SLC30A10: variants seen among roughly 807,000 people sequenced by gnomAD.
SLC30A10 encodes calcium/manganese antiporter SLC30A10.
Under a neutral mutation model 21.7 loss-of-function variants are expected in SLC30A10, and 8 were observed. That is an observed-to-expected ratio of 0.37 (90% CI 0.22 to 0.67). The LOEUF is 0.67. SLC30A10 is among the 30% of genes least tolerant of loss of function. The probability of loss-of-function intolerance (pLI) is 0.58; values close to 1 mark genes in which losing one functional copy is unlikely to be tolerated. For missense variants in SLC30A10, 521 were observed against 642.5 expected (o/e 0.81, Z 2.04); for synonymous variants, 272 against 279.4 (o/e 0.97, Z 0.26).
In SLC30A10 at chr1:219,951,599, T is replaced by C. The variant is rs1281871643; in HGVS notation, n.80+6969A>G. Among the ~76,000 whole-genome samples, 3 of 151,800 alleles carry C rather than the reference T, an allele frequency of 2.0e-5. No individual in the cohort carries two copies. In the East Asian group the frequency reaches 5.9e-4, roughly 30 times the overall value. Reference sequence around the variant, plus strand: ...AGCCGGGTGTGGTGGCGGGTGCCTGTAGTCCCAGCTACTCGGGAGGCTGAG... The same window carrying C: ...AGCCGGGTGTGGTGGCGGGTGCCTGCAGTCCCAGCTACTCGGGAGGCTGAG... On this transcript the variant is annotated intron_variant and non_coding_transcript_variant, in intron 1 of 8. Transcript: ENST00000484239.
At chr1:219,927,184 G>C (rs761970514) in intron 1 of SLC30A10, 79 bp from the exon 2 acceptor site, 60 of 1,465,944 alleles carry the variant, frequency 4.1e-5, no homozygotes, top group Non-Finnish European at 5.0e-5. Context: ...TCAAAATAAA[G>C]TTTTGTTATT....
chr1:219,910,602 A>G lies in SLC30A10; in HGVS notation c.*4847T>C, dbSNP rs1186899001. ...AGTTCTCTCAAATGTGAGGATTGCA[A>G]CTCTAGCAAAATTGCCTGTGAGGAC... On this transcript the variant is annotated 3_prime_UTR_variant, in exon 4 of 4. Coordinates refer to ENST00000366926, the MANE Select transcript of SLC30A10 (RefSeq NM_018713.3). Among the ~76,000 whole-genome samples, 1 of 152,206 alleles carries G rather than the reference A, an allele frequency of 6.6e-6. No individual in the cohort carries two copies. Among genetic ancestry groups the G allele is most frequent in the African/African-American group, 2.4e-5 (1 of 41,456 alleles).
chr1:219,933,944 G>A (rs993889656), intron 1 of SLC30A10, among the ~76,000 whole-genome samples: 1 of 152,146 alleles, frequency 6.6e-6, no homozygotes, highest in Non-Finnish European at 1.5e-5. Context: ...CCTGAGGTCA[G>A]GAGTTCAAGA....
intron 1 of SLC30A10, among the ~76,000 whole-genome samples, chr1:219,946,291 T>A (rs1660185947): frequency 6.6e-6 from 1 of 152,190 alleles, no homozygotes; most frequent in Non-Finnish European, 1.5e-5. Flanking sequence ...TACTTACTCT[T>A]CTAACCCTTT....
chr1:219,954,930 G>A (rs761709999), intron 1 of SLC30A10, among the ~76,000 whole-genome samples: 5 of 151,998 alleles, frequency 3.3e-5, no homozygotes, highest in Non-Finnish European at 7.3e-5. Flanking sequence ...AAGGTTATTC[G>A]TACAGTACAA....
rs147489213 is a variant in SLC30A10, at chr1:219,935,746, G to C, written n.81-8641C>G. Among the ~76,000 whole-genome samples the C allele has an allele frequency of 4.5e-3, 679 of 152,242 alleles. 1 individual carries two copies. Among genetic ancestry groups the C allele is most frequent in the Non-Finnish European group, 7.6e-3 (516 of 68,018 alleles). On this transcript the variant is annotated intron_variant and non_coding_transcript_variant, in intron 1 of 8. Coordinates refer to the SLC30A10 transcript ENST00000484239. ...TGTTGTCATACCCAAAACTATTGTT[G>C]ACTTCCAGTTGTGGAATCTCCTTCA...
At chr1:219,925,649 ATATTT>A (rs1163869727) in intron 2 of SLC30A10, among the ~76,000 whole-genome samples, 995 of 65,748 alleles carry the variant, frequency 0.015, 10 homozygotes, top group African/African-American at 0.071. Context: ...ATATATATAT[ATATTT>A]TTTTTTTTTT....
At chr1:219,930,494 C>A (rs796370180), upstream of SLC30A10, among the ~76,000 whole-genome samples, 12 of 152,166 alleles carry the variant, frequency 7.9e-5, no homozygotes, top group African/African-American at 2.9e-4. Context: ...CCCCCAACCA[C>A]AGAACATCCT....
At chr1:219,934,243 G>A (rs901754458) in intron 1 of SLC30A10, among the ~76,000 whole-genome samples, 17 of 152,016 alleles carry the variant, frequency 1.1e-4, no homozygotes, top group South Asian at 4.2e-4. Flanking sequence ...AGCCGAGATC[G>A]TGCCACTGCA....
Position 219,915,787 on chromosome 1 carries a change from C to T in SLC30A10, c.1120G>A (p.Gly374Arg). 1 of 1,614,200 alleles carries T rather than the reference C, an allele frequency of 6.2e-7. No individual in the cohort carries two copies. The highest frequency in any genetic ancestry group is 8.5e-7 in the Non-Finnish European group (1 of 1,180,040). ...AACTGGATGGTCACATTGTGGATTC[C>T]CGCATGGTGGAAGATTTCTCGAATT... ...TKIREIFHHA[G>R]IHNVTIQFEN... The change falls in exon 4 of 4, where the codon GGA (glycine) becomes AGA (arginine). Residue 374 changes from glycine to arginine, a missense_variant. Physicochemically the swap from Gly to Arg is moderately radical, Grantham distance 125. Transcript: ENST00000366926.
rs1264115098 is a variant in SLC30A10 at position 219,928,549 on chromosome 1, TC to T, written c.-110del. 5 of 1,041,968 alleles carry T rather than the reference TC, an allele frequency of 4.8e-6. No homozygotes were observed. The African/African-American group carries it at 8.6e-5, about 18-fold the overall frequency. The allele number at this position is 1,041,968 out of a possible 1,614,324, so 64.5% of individuals were successfully genotyped here. On this transcript the variant is annotated 5_prime_UTR_variant, in exon 1 of 4. Transcript: ENST00000366926. The surrounding 1 kb of genome is among the most constrained non-coding windows in gnomAD (Gnocchi z 6.3). ...GGATCCGTGAGGCCCGGTACCCGCC[TC>T]CCAGATTGTCTCGCCGGCCCTGCCC...
chr1:219,918,121 G>T lies in SLC30A10; in HGVS notation c.958+134C>A. On this transcript the variant is annotated intron_variant, in intron 3 of 3. Transcript: ENST00000366926. The surrounding 1 kb of genome is among the most constrained non-coding windows in gnomAD (Gnocchi z 4.4). Reference sequence around the variant, plus strand: ...CTTAATAGGCTATAAAACATATGATGACATCTCTACCACCTGGTGATTTAA... The same window carrying T: ...CTTAATAGGCTATAAAACATATGATTACATCTCTACCACCTGGTGATTTAA... 2 of 1,174,284 alleles carry T rather than the reference G, an allele frequency of 1.7e-6. No individual in the cohort carries two copies. Among genetic ancestry groups the T allele is most frequent in the Non-Finnish European group, 2.4e-6 (2 of 829,746 alleles). 72.7% of individuals were successfully genotyped at this position (1,174,284 alleles called of 1,614,324 possible).
chr1:219,924,092 C>T (rs1181027492), intron 2 of SLC30A10, among the ~76,000 whole-genome samples: 1 of 152,108 alleles, frequency 6.6e-6, no homozygotes, highest in Admixed American at 6.5e-5. Flanking sequence ...AACAAAAACT[C>T]ATTTTTTAAA....
chr1:219,922,172 GTGTGT>G (rs1558252007), intron 2 of SLC30A10, among the ~76,000 whole-genome samples: 5 of 46,114 alleles, frequency 1.1e-4, no homozygotes, highest in East Asian at 1.2e-3. Flanking sequence ...GTGTGTGTGT[GTGTGT>G]TTTTTTTTTT....
upstream of SLC30A10, among the ~76,000 whole-genome samples, chr1:219,931,488 T>G (rs1659969643): frequency 6.6e-6 from 1 of 152,124 alleles, no homozygotes; most frequent in East Asian, 1.9e-4. Flanking sequence ...GCATTTTATT[T>G]TTATTTTTTT....
Position 219,927,087 on chromosome 1 carries a change from T to C in SLC30A10, c.659A>G (p.Gln220Arg). The change falls in exon 2 of 4, where the codon CAG (glutamine) becomes CGG (arginine). Residue 220 changes from glutamine to arginine, a missense_variant. Physicochemically the swap from Gln to Arg is conservative, Grantham distance 43. Transcript: ENST00000366926. The stretch of plus-strand genomic sequence containing the variant: ...TTTCATCATGTCTTCTGGCTCATTC[T>C]GGGTGTTGAAGGAATCACCTGCATT... Reference protein sequence around the residue: ...ANVAGDSFNTQNEPEDMMKKE... With the variant: ...ANVAGDSFNTRNEPEDMMKKE... The C allele has an allele frequency of 1.9e-6, 3 of 1,614,182 alleles. No homozygotes were observed. The highest frequency in any genetic ancestry group is 2.7e-5 in the African/African-American group (2 of 75,070).
At chr1:219,955,391 G>A (rs1660334610) in intron 1 of SLC30A10, among the ~76,000 whole-genome samples, 2 of 152,038 alleles carry the variant, frequency 1.3e-5, no homozygotes, top group South Asian at 2.1e-4. Context: ...ACCTCCCACC[G>A]GCTAGATCTG....
upstream of SLC30A10, among the ~76,000 whole-genome samples, chr1:219,932,700 C>G (rs549445531): frequency 1.0e-4 from 14 of 136,096 alleles, no homozygotes; most frequent in African/African-American, 3.7e-4. Flanking sequence ...ACTTGAGTAA[C>G]CATTCTTTTT....
chr1:219,951,675 C>T (rs1571814684), intron 1 of SLC30A10, among the ~76,000 whole-genome samples: 1 of 151,214 alleles, frequency 6.6e-6, no homozygotes, highest in African/African-American at 2.4e-5. Flanking sequence ...GAGCCAAGAT[C>T]GCGCCACTGC....
Sources: allele counts gnomAD v4.1 joint callset (sites outside exome capture counted in the v4.1 genomes callset), GRCh38; gene constraint gnomAD v4.1.1; non-coding constraint Gnocchi (gnomAD v3.1); transcripts MANE v1.5; gene names NCBI Gene and HGNC (gene_info 2026-07-23, HGNC 2026-07-21).